The following CNBD1 variants were observed in gnomAD, a reference collection of about 807,000 sequenced individuals.
The protein encoded by CNBD1 is cyclic nucleotide binding domain containing 1.
In CNBD1, 71 loss-of-function variants were observed where a neutral mutation model predicts 54.4. That is an observed-to-expected ratio of 1.30 (90% CI 1.08 to 1.59). CNBD1 has a LOEUF of 1.59. Among genes scored for constraint, CNBD1 ranks in the 40% most tolerant of loss-of-function variants. The probability of loss-of-function intolerance (pLI) is 0.00; values close to 1 mark genes in which losing one functional copy is unlikely to be tolerated. For missense variants in CNBD1, 659 were observed against 518.0 expected, an observed-to-expected ratio of 1.27 and a Z score of -2.64; for synonymous variants, 182 against 170.7, an observed-to-expected ratio of 1.07 and a Z score of -0.51.
chr8:87,113,141 C>A (rs1330054973), intron 4 of CNBD1, among the ~76,000 whole-genome samples: 1 of 152,180 alleles, frequency 6.6e-6, no homozygotes, highest in African/African-American at 2.4e-5. Context: ...TGCAGGATCA[C>A]CTGGGCATCC....
intron 2 of CNBD1, among the ~76,000 whole-genome samples, chr8:87,419,265 GAC>G (rs1807886022): frequency 6.6e-6 from 1 of 151,858 alleles, no homozygotes; most frequent in Admixed American, 6.6e-5. Flanking sequence ...GCAAATCAGA[GAC>G]ACAGAAAGAT....
At chr8:86,910,117 T>G (rs1809077903) in intron 3 of CNBD1, among the ~76,000 whole-genome samples, 1 of 152,166 alleles carries the variant, frequency 6.6e-6, no homozygotes, top group Non-Finnish European at 1.5e-5. Context: ...TAGTCCAGGC[T>G]TTTAGTTGTA....
intron 8 of CNBD1, among the ~76,000 whole-genome samples, chr8:87,334,604 G>A (rs1009090284): frequency 6.6e-6 from 1 of 151,726 alleles, no homozygotes; most frequent in African/African-American, 2.4e-5. Context: ...CAAAGAACTT[G>A]ATTTCTGCCT....
At chr8:86,961,617 C>T (rs1807931105) in intron 4 of CNBD1, among the ~76,000 whole-genome samples, 1 of 152,216 alleles carries the variant, frequency 6.6e-6, no homozygotes, top group Non-Finnish European at 1.5e-5. Context: ...GGATGTCCCC[C>T]TGTGGGATCC....
At chr8:87,141,079 G>T (rs1179002656) in intron 4 of CNBD1, among the ~76,000 whole-genome samples, 4 of 152,086 alleles carry the variant, frequency 2.6e-5, no homozygotes, top group Admixed American at 6.6e-5. Flanking sequence ...TTTTAAACAT[G>T]TAAAGGTTGT....
chr8:87,290,411 G>T (rs1808764906), intron 8 of CNBD1, among the ~76,000 whole-genome samples: 1 of 151,698 alleles, frequency 6.6e-6, no homozygotes, highest in Non-Finnish European at 1.5e-5. Flanking sequence ...GCTGCTATTG[G>T]CAAATATATT....
At chr8:87,364,160 AAATT>A (rs1270607667) in intron 10 of CNBD1, among the ~76,000 whole-genome samples, 2 of 151,642 alleles carry the variant, frequency 1.3e-5, no homozygotes, top group African/African-American at 4.8e-5. Flanking sequence ...CTGACATTTA[AAATT>A]AATTTTTACT....
intron 8 of CNBD1, among the ~76,000 whole-genome samples, chr8:87,290,339 G>A (rs899204710): frequency 6.6e-6 from 1 of 151,990 alleles, no homozygotes; most frequent in Non-Finnish European, 1.5e-5. Context: ...CTGTGGACTT[G>A]AGTTGTCATC....
At chr8:87,411,422 A>ATATG in intron 2 of CNBD1, among the ~76,000 whole-genome samples, 1 of 141,032 alleles carries the variant, frequency 7.1e-6, no homozygotes, top group South Asian at 2.2e-4. Flanking sequence ...ATATATATAT[A>ATATG]TATATTTCAT....
At chr8:87,061,257 TAAG>T (rs1458154582) in intron 4 of CNBD1, among the ~76,000 whole-genome samples, 1 of 152,156 alleles carries the variant, frequency 6.6e-6, no homozygotes, top group African/African-American at 2.4e-5. Context: ...TTCTGTGAGA[TAAG>T]AAGTAACTAA....
chr8:87,062,274 AAAAAC>A (rs1810563003), intron 4 of CNBD1, among the ~76,000 whole-genome samples: 2 of 152,218 alleles, frequency 1.3e-5, no homozygotes. Context: ...TTAGGCTTGA[AAAAAC>A]AAAAGGACAA....
chr8:86,988,224 C>G (rs150018135), intron 4 of CNBD1, among the ~76,000 whole-genome samples: 1 of 148,186 alleles, frequency 6.7e-6, no homozygotes, highest in Non-Finnish European at 1.5e-5. Context: ...CTTCCTGATT[C>G]AATTTCCAGA....
At chr8:87,146,228 C>T (rs540730465) in intron 4 of CNBD1, among the ~76,000 whole-genome samples, 1 of 152,148 alleles carries the variant, frequency 6.6e-6, no homozygotes, top group Non-Finnish European at 1.5e-5. Context: ...TGCTTACTCT[C>T]CTAAAATTAT....
chr8:87,158,931 A>G (rs528263442), intron 4 of CNBD1, among the ~76,000 whole-genome samples: 2 of 152,280 alleles, frequency 1.3e-5, no homozygotes, highest in Non-Finnish European at 2.9e-5. Flanking sequence ...AAGCAATTTA[A>G]TGGTCTTCCA....
chr8:87,024,806 G>A (rs73273653), intron 4 of CNBD1, among the ~76,000 whole-genome samples: 4,588 of 152,190 alleles, frequency 0.03, 238 homozygotes, highest in African/African-American at 0.1. Flanking sequence ...TTCTGCATCA[G>A]TTGCCATGGT....
chr8:87,328,044 A>T (rs1208532566), intron 8 of CNBD1, among the ~76,000 whole-genome samples: 2 of 151,888 alleles, frequency 1.3e-5, no homozygotes, highest in African/African-American at 4.8e-5. Context: ...AGGTATATAT[A>T]TACCATGGTG....
At chr8:87,383,592 T>A (rs935645719), downstream of CNBD1, among the ~76,000 whole-genome samples, 1 of 152,162 alleles carries the variant, frequency 6.6e-6, no homozygotes, top group Non-Finnish European at 1.5e-5. Context: ...CAGTTATTTT[T>A]AATTCTTACA....
intron 3 of CNBD1, among the ~76,000 whole-genome samples, chr8:86,910,706 T>G (rs1449613526): frequency 6.6e-6 from 1 of 152,138 alleles, no homozygotes; most frequent in African/African-American, 2.4e-5. Flanking sequence ...AGAAATGAAG[T>G]GGAGTCATTG....
At chr8:87,405,145 G>T (rs1394233513) in intron 2 of CNBD1, among the ~76,000 whole-genome samples, 2 of 151,974 alleles carry the variant, frequency 1.3e-5, no homozygotes, top group East Asian at 1.9e-4. Context: ...CTCAACCATT[G>T]TTACAAAAAG....
Sources: gnomAD v4.1 joint callset for allele counts (sites outside exome capture counted in the v4.1 genomes callset) on GRCh38, gnomAD v4.1.1 for gene constraint, MANE v1.5 for transcripts, NCBI Gene and HGNC (gene_info 2026-07-23, HGNC 2026-07-21) for gene names.